Variants in KYAT3 observed in about 807,000 individuals in gnomAD.
KYAT3 encodes kynurenine--oxoglutarate transaminase 3.
In KYAT3, 50 loss-of-function variants were observed where a neutral mutation model predicts 59.0. The ratio of observed to expected loss-of-function variants is 0.85; its 90% CI spans 0.68 to 1.07. The LOEUF is 1.07. Among genes scored for constraint, KYAT3 ranks in the 50% least tolerant of loss-of-function variants. The pLI is 0.00. For missense variants in KYAT3, 497 were observed against 533.3 expected (o/e 0.93, Z 0.67); for synonymous variants, 148 against 177.0 (o/e 0.84, Z 1.30).
At chr1:88,947,083 C>A (rs1266697202) in intron 11 of KYAT3, among the ~76,000 whole-genome samples, 2 of 152,168 alleles carry the variant, frequency 1.3e-5, no homozygotes, top group African/African-American at 4.8e-5. Context: ...GAGACAACCA[C>A]CTCCTGGCGA....
chr1:88,969,667 T>C (rs74787682), intron 2 of KYAT3, among the ~76,000 whole-genome samples, 200 bp from the exon 3 acceptor site: 1 of 151,936 alleles, frequency 6.6e-6, no homozygotes, highest in Admixed American at 6.6e-5. Context: ...TTTTTTTTTT[T>C]CTCAGACGTG....
chr1:88,942,942 T>C (rs1342257115), intron 13 of KYAT3, 63 bp downstream of exon 13: 8 of 1,183,378 alleles, frequency 6.8e-6, no homozygotes, highest in Admixed American at 3.9e-5. Flanking sequence ...CAGAAGAAAA[T>C]AGTACTTTAA....
intron 2 of KYAT3, chr1:88,983,096 C>T (rs754634845): frequency 1.6e-5 from 25 of 1,612,222 alleles, no homozygotes; most frequent in Non-Finnish European, 1.9e-5. Flanking sequence ...ACCATAATCA[C>T]GGTAAGTATA....
chr1:88,966,623 T>C (rs1196682704), intron 4 of KYAT3, among the ~76,000 whole-genome samples: 6 of 152,126 alleles, frequency 3.9e-5, no homozygotes, highest in Non-Finnish European at 1.5e-5. Context: ...CTTTTTTTTC[T>C]TTTAGAATTC....
chr1:88,986,971 G>C (rs1298418463), intron 2 of KYAT3, among the ~76,000 whole-genome samples: 1 of 152,148 alleles, frequency 6.6e-6, no homozygotes, highest in Non-Finnish European at 1.5e-5. Context: ...CAAACACTTT[G>C]GCAGTTACTT....
intron 11 of KYAT3, among the ~76,000 whole-genome samples, chr1:88,948,111 A>AAAACAAAAC (rs1487755861): frequency 3.3e-5 from 5 of 151,798 alleles, no homozygotes; most frequent in African/African-American, 1.2e-4. Flanking sequence ...AAAACAAAAC[A>AAAACAAAAC]AAACAAAACA....
In KYAT3 at chr1:88,943,383, G is replaced by T. The variant is rs776100081; in HGVS notation, c.1182C>A (p.Asp394Glu). The T allele has an allele frequency of 1.3e-6, 2 of 1,584,302 alleles. No individual in the cohort carries two copies. Among genetic ancestry groups the T allele is most frequent in the South Asian group, 2.3e-5 (2 of 87,422 alleles). Residue 394 changes from aspartate to glutamate, a missense_variant, in exon 12 of 14, where the codon GAC (aspartate) becomes GAA (glutamate). Transcript: ENST00000260508. The part of the protein sequence containing the change: ...LSDMKNNEPY[D>E]YKFVKWMTKH... ...TAGTCATCCATTTCACAAACTTATAGTCATAAGGCTCATTATTCTTCATAT... is the reference window on the plus strand; with the variant it reads ...TAGTCATCCATTTCACAAACTTATATTCATAAGGCTCATTATTCTTCATAT...
chr1:88,944,119 T>G (rs1372968440), intron 11 of KYAT3, among the ~76,000 whole-genome samples: 1 of 152,218 alleles, frequency 6.6e-6, no homozygotes, highest in Non-Finnish European at 1.5e-5. Flanking sequence ...GCAAGATATA[T>G]CTCTGGCATT....
downstream of KYAT3, among the ~76,000 whole-genome samples, chr1:88,931,436 T>C (rs1674904977): frequency 6.6e-6 from 1 of 152,150 alleles, no homozygotes. Flanking sequence ...CCAATGTTAA[T>C]GACATTGAAG....
intron 11 of KYAT3, among the ~76,000 whole-genome samples, chr1:88,944,382 A>T (rs1675356677): frequency 6.6e-6 from 1 of 152,220 alleles, no homozygotes; most frequent in African/African-American, 2.4e-5. Context: ...TTTAAAACAA[A>T]GCCCTAATAT....
chr1:88,966,739 T>C lies in KYAT3; in HGVS notation c.304-1761A>G, dbSNP rs78012447. 4.1e-3 allele frequency among the ~76,000 whole-genome samples: 628 copies of C among 152,278 alleles called. 4 individuals carry two copies. The highest frequency in any genetic ancestry group is 0.014 in the African/African-American group (599 of 41,578). Reference sequence around the variant, plus strand: ...ATCTCACAGGACTCCAGTACACTGATGAATAACAATGGTCAGAGTGGACAT... The same window carrying C: ...ATCTCACAGGACTCCAGTACACTGACGAATAACAATGGTCAGAGTGGACAT... On this transcript the variant is annotated intron_variant, in intron 4 of 13. Coordinates refer to ENST00000260508, the MANE Select transcript of KYAT3 (RefSeq NM_001008661.3).
chr1:88,977,149 G>A (rs941113433), intron 2 of KYAT3, among the ~76,000 whole-genome samples: 1 of 151,998 alleles, frequency 6.6e-6, no homozygotes, highest in African/African-American at 2.4e-5. Flanking sequence ...TGAGTAGCTG[G>A]GACTACAGGC....
chr1:88,925,149 C>T, the KYAT3 span, among the ~76,000 whole-genome samples: 2 of 152,198 alleles, frequency 1.3e-5, no homozygotes, highest in Non-Finnish European at 2.9e-5. Context: ...TCGTCCGGTT[C>T]GTCTGTCTGG....
chr1:88,954,395 C>T (rs1675818316), intron 9 of KYAT3, among the ~76,000 whole-genome samples: 2 of 152,136 alleles, frequency 1.3e-5, no homozygotes, highest in African/African-American at 2.4e-5. Context: ...TTAGCTCTGT[C>T]ATCTGTAAAA....
chr1:88,978,415 T>A (rs557002459), intron 2 of KYAT3, among the ~76,000 whole-genome samples: 2 of 152,178 alleles, frequency 1.3e-5, no homozygotes, highest in Admixed American at 1.3e-4. Context: ...CATGGCTCAC[T>A]GCAGCCTCAA....
the KYAT3 span, among the ~76,000 whole-genome samples, chr1:88,921,699 C>G: frequency 6.6e-6 from 1 of 152,220 alleles, no homozygotes; most frequent in Non-Finnish European, 1.5e-5. Context: ...TTTTAAGGAA[C>G]TGGCTCACCC....
chr1:88,941,229 G>C (rs1479246359), intron 13 of KYAT3, among the ~76,000 whole-genome samples: 1 of 152,094 alleles, frequency 6.6e-6, no homozygotes, highest in Admixed American at 6.5e-5. Context: ...TACATTGTTA[G>C]GTTGTTAATA....
chr1:88,922,434 C>T, the KYAT3 span, among the ~76,000 whole-genome samples: 1 of 152,126 alleles, frequency 6.6e-6, no homozygotes, highest in Non-Finnish European at 1.5e-5. Flanking sequence ...CAGCTGGTGA[C>T]CTGTTAGGAA....
chr1:88,951,311 T>G (rs1463062321), intron 10 of KYAT3, among the ~76,000 whole-genome samples: 1 of 151,950 alleles, frequency 6.6e-6, no homozygotes, highest in Non-Finnish European at 1.5e-5. Context: ...CTCAGCTCAC[T>G]GCAACCTCTG....
Sources: gnomAD v4.1 joint callset for allele counts (sites outside exome capture counted in the v4.1 genomes callset) on GRCh38, gnomAD v4.1.1 for gene constraint, MANE v1.5 for transcripts, NCBI Gene and HGNC (gene_info 2026-07-23, HGNC 2026-07-21) for gene names.